PTPRD: variants seen among roughly 807,000 people sequenced by gnomAD.
The protein encoded by PTPRD is receptor-type tyrosine-protein phosphatase delta.
PTPRD carries 34 observed loss-of-function variants against 214.5 expected under a neutral mutation model. That is an observed-to-expected ratio of 0.16 (90% CI 0.12 to 0.21). The LOEUF (loss-of-function observed/expected upper bound fraction) is 0.21, where lower values mean the gene tolerates loss of function less well. Ranked by LOEUF, PTPRD falls within the 10% of genes least tolerant of loss-of-function variation. The probability of loss-of-function intolerance (pLI) is 1.00; values close to 1 mark genes in which losing one functional copy is unlikely to be tolerated. For synonymous variants in PTPRD, 1,128 were observed against 845.7 expected, an observed-to-expected ratio of 1.33 and a Z score of -5.79; for missense variants, 2,545 against 2,398.7, an observed-to-expected ratio of 1.06 and a Z score of -1.27.
chr9:9,978,824 C>T (rs1000542373), intron 4 of PTPRD, among the ~76,000 whole-genome samples: 2 of 152,000 alleles, frequency 1.3e-5, no homozygotes, highest in African/African-American at 4.8e-5. Flanking sequence ...CACTGAGATA[C>T]ATCTCAGTCA....
chr9:8,327,725 G>C (rs1011361901), intron 44 of PTPRD, among the ~76,000 whole-genome samples: 6 of 152,108 alleles, frequency 3.9e-5, no homozygotes, highest in Non-Finnish European at 7.4e-5. Context: ...TGCTCCTGTA[G>C]AGGGTTCATA....
At chr9:8,951,506 G>A (rs2099102070) in intron 11 of PTPRD, among the ~76,000 whole-genome samples, 1 of 151,750 alleles carries the variant, frequency 6.6e-6, no homozygotes. Context: ...CAATATACTT[G>A]ATTTTTCTAC....
intron 6 of PTPRD, among the ~76,000 whole-genome samples, chr9:9,762,254 C>T (rs2098664695): frequency 4.6e-5 from 7 of 152,226 alleles, no homozygotes; most frequent in Admixed American, 4.6e-4. Flanking sequence ...AGAAGTCCAA[C>T]AGTCTTTCTT....
At chr9:8,918,153 G>C (rs1225278792) in intron 11 of PTPRD, among the ~76,000 whole-genome samples, 1 of 152,106 alleles carries the variant, frequency 6.6e-6, no homozygotes, top group African/African-American at 2.4e-5. Flanking sequence ...GAGAAAGGTT[G>C]CTTATTTCCT....
At chr9:10,502,684 A>G (rs1432577907) in intron 2 of PTPRD, among the ~76,000 whole-genome samples, 2 of 152,270 alleles carry the variant, frequency 1.3e-5, no homozygotes, top group Middle Eastern at 3.4e-3. Flanking sequence ...ATACACAGAT[A>G]CAAAAACTGT....
At chr9:9,008,466 T>C (rs530701172) in intron 11 of PTPRD, among the ~76,000 whole-genome samples, 1 of 152,024 alleles carries the variant, frequency 6.6e-6, no homozygotes, top group Non-Finnish European at 1.5e-5. Context: ...GACCTTGTGA[T>C]CCACCCGTCT....
intron 4 of PTPRD, among the ~76,000 whole-genome samples, chr9:10,013,456 T>C (rs2096640808): frequency 6.6e-6 from 1 of 151,954 alleles, no homozygotes; most frequent in Non-Finnish European, 1.5e-5. Context: ...CCTTATTTCC[T>C]CTTATAACAA....
chr9:10,121,545 A>C (rs1470585933), intron 3 of PTPRD, among the ~76,000 whole-genome samples: 1 of 152,154 alleles, frequency 6.6e-6, no homozygotes, highest in Non-Finnish European at 1.5e-5. Context: ...TAAGGAGGAA[A>C]TTTACAGCCT....
intron 10 of PTPRD, among the ~76,000 whole-genome samples, chr9:9,091,907 T>G (rs2099776702): frequency 2.0e-5 from 3 of 152,186 alleles, no homozygotes; most frequent in Admixed American, 2.0e-4. Context: ...GAAAACCTAA[T>G]TAACAAAAAA....
intron 11 of PTPRD, among the ~76,000 whole-genome samples, chr9:8,764,602 C>G (rs1243356341): frequency 6.6e-6 from 1 of 151,948 alleles, no homozygotes; most frequent in African/African-American, 2.4e-5. Flanking sequence ...TCAAGACTAG[C>G]CTGGCCAACA....
At chr9:9,236,827 C>T (rs1356723015) in intron 9 of PTPRD, among the ~76,000 whole-genome samples, 1 of 151,898 alleles carries the variant, frequency 6.6e-6, no homozygotes, top group Non-Finnish European at 1.5e-5. Context: ...TGTGTTAAGC[C>T]CCACTGTGGC....
At chr9:9,228,910 T>C (rs1403287510) in intron 9 of PTPRD, among the ~76,000 whole-genome samples, 2 of 152,114 alleles carry the variant, frequency 1.3e-5, no homozygotes, top group African/African-American at 4.8e-5. Flanking sequence ...GTATGTGAAG[T>C]GTAGATAGTT....
chr9:8,631,734 G>A (rs1363793796), intron 14 of PTPRD, among the ~76,000 whole-genome samples: 3 of 151,732 alleles, frequency 2.0e-5, no homozygotes, highest in Non-Finnish European at 4.4e-5. Context: ...AAAGCATAAG[G>A]TCCATTTTGT....
At chr9:10,126,768 G>A (rs923059070) in intron 3 of PTPRD, among the ~76,000 whole-genome samples, 6 of 152,110 alleles carry the variant, frequency 3.9e-5, no homozygotes, top group African/African-American at 1.4e-4. Flanking sequence ...TTTTGCTTGA[G>A]AACTGTTCCC....
intron 39 of PTPRD, among the ~76,000 whole-genome samples, chr9:8,356,483 AG>A (rs1564226055): frequency 6.6e-6 from 1 of 152,218 alleles, no homozygotes; most frequent in African/African-American, 2.4e-5. Flanking sequence ...TTTTAAATGC[AG>A]TCTAGTTCAT....
chr9:9,276,082 T>C (rs531095027), intron 9 of PTPRD, among the ~76,000 whole-genome samples: 1 of 151,512 alleles, frequency 6.6e-6, no homozygotes, highest in East Asian at 2.0e-4. Context: ...TGTCCTTGTC[T>C]AATGTTGCTT....
chr9:9,206,422 C>A (rs1281353415), intron 9 of PTPRD, among the ~76,000 whole-genome samples: 1 of 152,080 alleles, frequency 6.6e-6, no homozygotes, highest in African/African-American at 2.4e-5. Context: ...CAAGAGAAAT[C>A]AGTTAGGAGG....
At chr9:9,408,800 C>T (rs1005481458) in intron 8 of PTPRD, among the ~76,000 whole-genome samples, 3 of 151,816 alleles carry the variant, frequency 2.0e-5, no homozygotes, top group Non-Finnish European at 4.4e-5. Flanking sequence ...AAACATCCCT[C>T]ATACTGTCTG....
intron 5 of PTPRD, among the ~76,000 whole-genome samples, chr9:9,888,449 G>A (rs1056498251): frequency 2.0e-5 from 3 of 152,070 alleles, no homozygotes; most frequent in Non-Finnish European, 2.9e-5. Flanking sequence ...TGTTGGAGGT[G>A]GGGGCCTAAT....
Sources: gnomAD v4.1 joint callset for allele counts (sites outside exome capture counted in the v4.1 genomes callset) on GRCh38, gnomAD v4.1.1 for gene constraint, MANE v1.5 for transcripts, NCBI Gene and HGNC (gene_info 2026-07-23, HGNC 2026-07-21) for gene names.